Variants in USP40 observed in about 807,000 individuals in gnomAD.
USP40 encodes ubiquitin carboxyl-terminal hydrolase 40.
A neutral mutation model predicts 166.2 loss-of-function variants in USP40; 143 were observed. That is an observed-to-expected ratio of 0.86 (90% CI 0.75 to 0.99). The LOEUF is 0.99. Among genes scored for constraint, USP40 ranks in the 50% least tolerant of loss-of-function variants. The pLI is 0.00. For synonymous variants in USP40, 498 were observed against 524.0 expected, an observed-to-expected ratio of 0.95 and a Z score of 0.68; for missense variants, 1,444 against 1,479.7, an observed-to-expected ratio of 0.98 and a Z score of 0.40.
At chr2:233,543,149 C>T (rs962963148) in intron 8 of USP40, among the ~76,000 whole-genome samples, 1 of 152,100 alleles carries the variant, frequency 6.6e-6, no homozygotes, top group Non-Finnish European at 1.5e-5. Context: ...ATTTTCATTG[C>T]CTTTTATTTC....
rs370513057 is a variant in USP40 at position 233,480,404 on chromosome 2, G to C, written c.3599+799C>G. ...GAGGACGCCTGGGGGCCTCTGGTGAGGCCTGCATGGAGCTGATGCCACGGG... is the reference window on the plus strand; with the variant it reads ...GAGGACGCCTGGGGGCCTCTGGTGACGCCTGCATGGAGCTGATGCCACGGG... On this transcript the variant is annotated intron_variant, in intron 31 of 31. Transcript: ENST00000678225. This position sits in a 1 kb window ranked among gnomAD's most constrained non-coding sequence, Gnocchi z 4.5. 6.6e-6 allele frequency among the ~76,000 whole-genome samples: 1 copy of C among 152,242 alleles called. No homozygotes were observed. The highest frequency in any genetic ancestry group is 1.5e-5 in the Non-Finnish European group (1 of 68,048).
rs181497276 is a variant in USP40, at chr2:233,562,811, A to T, written c.200-8T>A. ...CAAGAGAAAATAGAGCTTCTAAAGA[A>T]AAAGGTAGAATCAGAGATGCAAATG... On this transcript the variant is annotated splice_region_variant and splice_polypyrimidine_tract_variant and intron_variant, in intron 2 of 31. Transcript: ENST00000678225. 2 of 1,520,218 alleles carry T rather than the reference A, an allele frequency of 1.3e-6. No individual in the cohort carries two copies. The highest frequency in any genetic ancestry group is 2.5e-5 in the East Asian group (1 of 40,472). 94.2% of individuals were successfully genotyped at this position (1,520,218 alleles called of 1,614,324 possible).
At chr2:233,540,008 C>T (rs2069251486) in intron 10 of USP40, among the ~76,000 whole-genome samples, 2 of 151,540 alleles carry the variant, frequency 1.3e-5, no homozygotes, top group East Asian at 3.9e-4. Flanking sequence ...GCCTGTAGTC[C>T]CAGCTACTCA....
intron 31 of USP40, 74 bp from the exon 32 acceptor site, chr2:233,477,577 A>G: frequency 8.1e-7 from 1 of 1,232,016 alleles, no homozygotes; most frequent in South Asian, 1.3e-5. Flanking sequence ...CGAAGACCCC[A>G]AAATACACTC....
At chr2:233,534,364 A>G (rs2068784281) in intron 10 of USP40, among the ~76,000 whole-genome samples, 1 of 152,128 alleles carries the variant, frequency 6.6e-6, no homozygotes, top group African/African-American at 2.4e-5. Flanking sequence ...TTCTTTCTCC[A>G]TTGCCTGTCT....
chr2:233,477,501 T>G lies in USP40; in HGVS notation c.3602A>C (p.Gln1201Pro). Reference protein sequence around the residue: ...KQRALGRRKSQEALHEQSSYI... With the variant: ...KQRALGRRKSPEALHEQSSYI... ...GCTGCTCTGCTCATGGAGGGCTTCT[T>G]GGCTGCAGAGACACAGACACTGTCA... The change falls in exon 32 of 32, where the codon CAA becomes CCA. Residue 1201 changes from glutamine (Q) to proline (P), a missense_variant and splice_region_variant. Gln to Pro is a moderately conservative substitution (Grantham distance 76, BLOSUM62 -1). Coordinates refer to ENST00000678225, the MANE Select transcript of USP40 (RefSeq NM_001365479.2). 1 of 1,612,800 alleles carries G rather than the reference T, an allele frequency of 6.2e-7. No homozygotes were observed. Among genetic ancestry groups the G allele is most frequent in the Non-Finnish European group, 8.5e-7 (1 of 1,179,534 alleles).
chr2:233,486,481 G>A lies in USP40; in HGVS notation c.3198-504C>T, dbSNP rs2064957861. 6.6e-6 allele frequency among the ~76,000 whole-genome samples: 1 copy of A among 152,194 alleles called. No individual in the cohort carries two copies. Among genetic ancestry groups the A allele is most frequent in the South Asian group, 2.1e-4 (1 of 4,826 alleles). ...GCGGGTGAGACACAAGGCTGCAGCTGTGGGAGATGGGAAACCTTAGCAGGA... is the reference window on the plus strand; with the variant it reads ...GCGGGTGAGACACAAGGCTGCAGCTATGGGAGATGGGAAACCTTAGCAGGA... On this transcript the variant is annotated intron_variant, in intron 28 of 31. Transcript: ENST00000678225. This position sits in a 1 kb window ranked among gnomAD's most constrained non-coding sequence, Gnocchi z 4.0.
In USP40 at chr2:233,485,955, T is replaced by A. The variant is rs1216229405; in HGVS notation, c.3220A>T (p.Thr1074Ser). 19 of 1,587,608 alleles carry A rather than the reference T, an allele frequency of 1.2e-5. No individual in the cohort carries two copies. The highest frequency in any genetic ancestry group is 1.5e-5 in the Non-Finnish European group (18 of 1,169,204). ...CTCTCACCAGGGATGCGCACCTGTG[T>A]CCTCAGCAGCACGTCCTGGGGGCTG... ...NLGPQDVLLR[T>S]QVRIPGERTY... Residue 1074 changes from threonine to serine, a missense_variant, in exon 29 of 32, where the codon ACA becomes TCA. Coordinates refer to ENST00000678225, the MANE Select transcript of USP40 (RefSeq NM_001365479.2).
At chr2:233,541,860 A>G (rs539730600) in intron 9 of USP40, among the ~76,000 whole-genome samples, 1 of 152,364 alleles carries the variant, frequency 6.6e-6, no homozygotes, top group Admixed American at 6.5e-5. Flanking sequence ...GCAAAACAGC[A>G]TTTAGTAAAG....
At chr2:233,517,161 A>G (rs1466154792) in intron 18 of USP40, among the ~76,000 whole-genome samples, 1 of 152,196 alleles carries the variant, frequency 6.6e-6, no homozygotes, top group African/African-American at 2.4e-5. Flanking sequence ...ACTAATTCAC[A>G]TTCAGTAGAA....
chr2:233,521,047 A>G lies in USP40; in HGVS notation c.2269T>C (p.Leu757=). The G allele has an allele frequency of 6.2e-7, 1 of 1,613,542 alleles. No homozygotes were observed. The highest frequency in any genetic ancestry group is 8.5e-7 in the Non-Finnish European group (1 of 1,179,686). ...TTCTCTTCAGATTCTAACTGGCATAAATTTTTAACGTGGAGCCAGTCAATC... is the reference window on the plus strand; with the variant it reads ...TTCTCTTCAGATTCTAACTGGCATAGATTTTTAACGTGGAGCCAGTCAATC... ...NEIDWLHVKN[L]CQLESEEKQV... The change falls in exon 17 of 32, where the codon TTA becomes CTA. Residue 757 remains leucine, a synonymous_variant. Transcript: ENST00000678225.
At chr2:233,560,984 T>G in intron 3 of USP40, 1 of 783,660 alleles carries the variant, frequency 1.3e-6, no homozygotes, top group Non-Finnish European at 2.2e-6. Context: ...AACTGATTCT[T>G]TCTCGGAAGG....
intron 6 of USP40, 137 bp downstream of exon 6, chr2:233,554,243 T>C: frequency 1.1e-6 from 1 of 935,418 alleles, no homozygotes; most frequent in Non-Finnish European, 1.4e-6. Flanking sequence ...AAAATTAAAA[T>C]ACAGAAAATG....
chr2:233,518,735 C>A (rs1575278018), intron 18 of USP40, among the ~76,000 whole-genome samples: 1 of 152,056 alleles, frequency 6.6e-6, no homozygotes, highest in East Asian at 1.9e-4. Flanking sequence ...AATGACCCAG[C>A]AATTCCAATC....
chr2:233,549,257 A>T, intron 7 of USP40, 28 bp from the exon 8 acceptor site: 1 of 1,219,004 alleles, frequency 8.2e-7, no homozygotes, highest in Non-Finnish European at 1.1e-6. Context: ...AAAAATATTG[A>T]TATAGTTTTC....
rs1454722637 is a variant in USP40 at position 233,493,610 on chromosome 2, T to C, written c.2791-59A>G. The stretch of plus-strand genomic sequence containing the variant: ...ACAAAGATTAAGTGAAACTCTACTT[T>C]TACTTCCATAGAAAGAAACACCTTG... On this transcript the variant is annotated intron_variant, in intron 24 of 31. Coordinates refer to ENST00000678225, the MANE Select transcript of USP40 (RefSeq NM_001365479.2). The surrounding 1 kb of genome is among the most constrained non-coding windows in gnomAD (Gnocchi z 4.7). The C allele has an allele frequency of 1.3e-6, 2 of 1,507,502 alleles. No individual in the cohort carries two copies. Among genetic ancestry groups the C allele is most frequent in the Non-Finnish European group, 1.8e-6 (2 of 1,122,464 alleles). The allele number at this position is 1,507,502 out of a possible 1,614,324, so 93.4% of individuals were successfully genotyped here.
rs1192436313 is a variant in USP40 at position 233,491,074 on chromosome 2, G to A, written c.3012+93C>T. On this transcript the variant is annotated intron_variant, in intron 26 of 31. Transcript: ENST00000678225. ...GACAAATGCCATATCAGAACAGACT[G>A]TAATTGAGGGAAAAGGAGATAGAAG... The A allele has an allele frequency of 4.2e-6, 4 of 960,324 alleles. No individual in the cohort carries two copies. The South Asian group carries it at 5.6e-5, about 13-fold the overall frequency. 59.5% of individuals were successfully genotyped at this position (960,324 alleles called of 1,614,324 possible). A position where few individuals can be genotyped will look rare whatever the true frequency, so the allele number is the denominator to read the frequency against.
intron 5 of USP40, among the ~76,000 whole-genome samples, chr2:233,554,843 T>G (rs1486480772): frequency 1.3e-5 from 2 of 152,222 alleles, no homozygotes; most frequent in Admixed American, 6.5e-5. Context: ...GAAGTGCATA[T>G]ATACAAGGTA....
intron 19 of USP40, 122 bp from the exon 20 acceptor site, chr2:233,511,919 C>T (rs2066868770): frequency 4.0e-6 from 3 of 741,224 alleles, no homozygotes; most frequent in Non-Finnish European, 6.4e-6. Context: ...AAATGAGTTG[C>T]ACTTCAGACA....
Sources: allele counts gnomAD v4.1 joint callset (sites outside exome capture counted in the v4.1 genomes callset), GRCh38; gene constraint gnomAD v4.1.1; non-coding constraint Gnocchi (gnomAD v3.1); transcripts MANE v1.5; gene names NCBI Gene and HGNC (gene_info 2026-07-23, HGNC 2026-07-21).